Variants in XPR1 observed in about 807,000 individuals in gnomAD.
The protein encoded by XPR1 is solute carrier family 53 member 1.
XPR1 carries 28 observed loss-of-function variants against 87.5 expected under a neutral mutation model. That is an observed-to-expected ratio of 0.32 (90% CI 0.24 to 0.44). XPR1 has a LOEUF of 0.44. Among genes scored for constraint, XPR1 ranks in the 20% least tolerant of loss-of-function variants. The pLI is 1.00. For missense variants in XPR1, 559 were observed against 862.3 expected (o/e 0.65, Z 4.41); for synonymous variants, 300 against 306.1 (o/e 0.98, Z 0.21).
chr1:180,652,287 C>G (rs1479231882), intron 1 of XPR1, among the ~76,000 whole-genome samples: 1 of 151,786 alleles, frequency 6.6e-6, no homozygotes, highest in Non-Finnish European at 1.5e-5. Context: ...GAGCAAGACT[C>G]CATCTCAAAA....
chr1:180,863,100 G>C (rs1306683660), intron 11 of XPR1, among the ~76,000 whole-genome samples: 1 of 152,022 alleles, frequency 6.6e-6, no homozygotes, highest in African/African-American at 2.4e-5. Flanking sequence ...CACCCTCTAA[G>C]AAAAGCTAAA....
intron 9 of XPR1, among the ~76,000 whole-genome samples, chr1:180,826,946 G>C (rs1196884061): frequency 6.6e-6 from 1 of 151,844 alleles, no homozygotes; most frequent in Non-Finnish European, 1.5e-5. Flanking sequence ...CTGAAGTCCG[G>C]AGTTCAAGAC....
chr1:180,835,146 C>A, intron 10 of XPR1, 101 bp downstream of exon 10: 2 of 1,245,484 alleles, frequency 1.6e-6, no homozygotes, highest in East Asian at 5.1e-5. Flanking sequence ...GAAAACTTAC[C>A]CAATAATATT....
chr1:180,702,546 ATTCT>A (rs1295057775), intron 2 of XPR1, among the ~76,000 whole-genome samples: 5 of 152,022 alleles, frequency 3.3e-5, no homozygotes, highest in African/African-American at 4.8e-5. Flanking sequence ...AAGTTCAGAA[ATTCT>A]TTCTTCTGCT....
chr1:180,880,243 G>A lies in XPR1; in HGVS notation c.1976G>A (p.Arg659Gln), dbSNP rs1483608464. ...DDGVRNRQKN[R>Q]SWKYNQSISL... ...GGGGTACGAAACCGCCAGAAGAATC[G>A]GTCATGGAAGTACAACCAGAGCATA... Residue 659 changes from arginine to glutamine, a missense_variant, in exon 14 of 15, where the codon CGG (arginine) becomes CAG (glutamine). Physicochemically the swap from Arg to Gln is conservative, Grantham distance 43 (BLOSUM62 1). Around this residue, in one of 7 missense-constraint regions of XPR1, gnomAD observed 80 missense variants for 99.5 expected, o/e 0.80. Coordinates refer to ENST00000367590, the MANE Select transcript of XPR1 (RefSeq NM_004736.4). 11 of 1,614,120 alleles carry A rather than the reference G, an allele frequency of 6.8e-6. No individual in the cohort carries two copies. Among genetic ancestry groups the A allele is most frequent in the South Asian group, 4.4e-5 (4 of 91,076 alleles).
chr1:180,749,574 A>G (rs531207793), intron 2 of XPR1, among the ~76,000 whole-genome samples: 36 of 151,564 alleles, frequency 2.4e-4, no homozygotes, highest in African/African-American at 7.7e-4. Flanking sequence ...TATTTTTATT[A>G]TAGTTTGTAA....
At chr1:180,686,463 G>T (rs996357624) in intron 2 of XPR1, among the ~76,000 whole-genome samples, 1 of 152,144 alleles carries the variant, frequency 6.6e-6, no homozygotes, top group African/African-American at 2.4e-5. Context: ...TGTATATTCT[G>T]TTATTTGGGG....
intron 2 of XPR1, among the ~76,000 whole-genome samples, chr1:180,764,274 A>G (rs189157197): frequency 2.0e-5 from 3 of 152,312 alleles, no homozygotes; most frequent in Admixed American, 6.5e-5. Flanking sequence ...TAAGTTGTAT[A>G]TATAAAACAT....
intron 2 of XPR1, among the ~76,000 whole-genome samples, chr1:180,748,150 C>G (rs1338197977): frequency 6.6e-6 from 1 of 152,042 alleles, no homozygotes; most frequent in Non-Finnish European, 1.5e-5. Context: ...CAAATCATTG[C>G]TAAGTTTTAA....
At chr1:180,757,679 G>A (rs1316670878) in intron 2 of XPR1, among the ~76,000 whole-genome samples, 1 of 151,520 alleles carries the variant, frequency 6.6e-6, no homozygotes, top group Non-Finnish European at 1.5e-5. Context: ...ACCATGCCTG[G>A]ATAATTTTTA....
chr1:180,721,837 C>G (rs1181882511), intron 2 of XPR1, among the ~76,000 whole-genome samples: 1 of 152,110 alleles, frequency 6.6e-6, no homozygotes, highest in Non-Finnish European at 1.5e-5. Flanking sequence ...TTTTCTCTAG[C>G]TTATTTTATT....
At chr1:180,882,940 T>C (rs2102229648) in intron 14 of XPR1, among the ~76,000 whole-genome samples, 2 of 152,094 alleles carry the variant, frequency 1.3e-5, no homozygotes, top group Middle Eastern at 6.8e-3. Context: ...CTTATCACAA[T>C]TTCTTATATT....
intron 3 of XPR1, among the ~76,000 whole-genome samples, chr1:180,788,060 C>G (rs570795678): frequency 1.3e-5 from 2 of 152,274 alleles, no homozygotes; most frequent in South Asian, 4.1e-4. Flanking sequence ...GAAACTCTTG[C>G]AGTCAAAAGG....
intron 7 of XPR1, among the ~76,000 whole-genome samples, chr1:180,823,601 T>C (rs906011242): frequency 2.0e-5 from 3 of 152,204 alleles, no homozygotes; most frequent in Non-Finnish European, 2.9e-5. Flanking sequence ...GAGTTGGTGA[T>C]TAGATTATGA....
At chr1:180,723,927 T>C (rs986082077) in intron 2 of XPR1, among the ~76,000 whole-genome samples, 1 of 152,200 alleles carries the variant, frequency 6.6e-6, no homozygotes, top group Non-Finnish European at 1.5e-5. Flanking sequence ...CTTTTCAGTC[T>C]TTTCTGTTCT....
intron 13 of XPR1, among the ~76,000 whole-genome samples, chr1:180,876,886 G>T (rs371802177): frequency 4.1e-4 from 63 of 152,174 alleles, no homozygotes; most frequent in African/African-American, 1.4e-3. Flanking sequence ...TATAGCTAGC[G>T]CAATGAGGAA....
At chr1:180,757,693 A>G (rs1239132168) in intron 2 of XPR1, among the ~76,000 whole-genome samples, 1 of 151,266 alleles carries the variant, frequency 6.6e-6, no homozygotes, top group Non-Finnish European at 1.5e-5. Flanking sequence ...ATTTTTACAA[A>G]TTTTTTTGTA....
intron 11 of XPR1, among the ~76,000 whole-genome samples, chr1:180,846,441 A>G (rs866116505): frequency 1.8e-3 from 208 of 118,394 alleles, no homozygotes; most frequent in African/African-American, 7.1e-3. Context: ...GTTTTTGTTT[A>G]TTTATTTATT....
chr1:180,682,818 ATG>A (rs368072502), intron 2 of XPR1, among the ~76,000 whole-genome samples: 10 of 150,418 alleles, frequency 6.6e-5, no homozygotes, highest in African/African-American at 1.2e-4. Flanking sequence ...TTTACAATGG[ATG>A]TGTGTGTGTG....
Sources: allele counts gnomAD v4.1 joint callset (sites outside exome capture counted in the v4.1 genomes callset), GRCh38; gene constraint gnomAD v4.1.1; regional missense constraint gnomAD v4.1.1; transcripts MANE v1.5; gene names NCBI Gene and HGNC (gene_info 2026-07-23, HGNC 2026-07-21).